PLEKHG4B: variants seen among roughly 807,000 people sequenced by gnomAD.
PLEKHG4B encodes pleckstrin homology domain-containing family G member 4B.
In PLEKHG4B, 111 loss-of-function variants were observed where a neutral mutation model predicts 121.3. The observed-to-expected ratio is 0.92, with a 90% CI of 0.78 to 1.07. The LOEUF (loss-of-function observed/expected upper bound fraction) is 1.07. Among genes scored for constraint, PLEKHG4B ranks in the 50% least tolerant of loss-of-function variants. The pLI is 0.00. For missense variants in PLEKHG4B, 1,831 were observed against 1,757.8 expected, an observed-to-expected ratio of 1.04 and a Z score of -0.74; for synonymous variants, 738 against 725.0, an observed-to-expected ratio of 1.02 and a Z score of -0.29.
Position 137,567 on chromosome 5 carries a change from C to G in PLEKHG4B, c.244-1916C>G, listed in dbSNP as rs1045379582. The stretch of plus-strand genomic sequence containing the variant: ...AATAGGGTTTGGAAATAGGTTTTGT[C>G]TCATCAAATATTTGATATGTAGAGA... On this transcript the variant is annotated intron_variant, in intron 2 of 19. Coordinates refer to ENST00000637938, the MANE Select transcript of PLEKHG4B (RefSeq NM_052909.5). The surrounding 1 kb of genome is among the most constrained non-coding windows in gnomAD (Gnocchi z 4.2). Among the ~76,000 whole-genome samples the G allele has an allele frequency of 6.6e-6, 1 of 152,174 alleles. No individual in the cohort carries two copies. The highest frequency in any genetic ancestry group is 2.4e-5 in the African/African-American group (1 of 41,426).
Position 163,079 on chromosome 5 carries a change from T to C in PLEKHG4B, c.3007T>C (p.Trp1003Arg), listed in dbSNP as rs754999362. Residue 1003 changes from tryptophan to arginine, a missense_variant, in exon 13 of 20, where the codon TGG becomes CGG. Physicochemically the swap from Trp to Arg is moderately radical, Grantham distance 101 (BLOSUM62 -3). Coordinates refer to ENST00000637938, the MANE Select transcript of PLEKHG4B (RefSeq NM_052909.5). ...FPSTDSGGGAWEPAQPLSGLP... is the reference protein window; with the variant it reads ...FPSTDSGGGAREPAQPLSGLP... ...CAGCACGGACAGTGGGGGTGGTGCC[T>C]GGGAACCTGCGCAACCACTGTCCGG... is the stretch of plus-strand genomic sequence containing the variant. The C allele has an allele frequency of 2.6e-6, 4 of 1,563,322 alleles. No individual in the cohort carries two copies. The highest frequency in any genetic ancestry group is 3.5e-6 in the Non-Finnish European group (4 of 1,153,978).
intron 12 of PLEKHG4B, among the ~76,000 whole-genome samples, chr5:162,255 T>C (rs550571611): frequency 8.0e-5 from 12 of 149,338 alleles, no homozygotes; most frequent in African/African-American, 3.0e-4. Context: ...AGCAGACTGC[T>C]CGCCTGCGAG....
intron 1 of PLEKHG4B, among the ~76,000 whole-genome samples, chr5:93,217 G>A (rs7729892): frequency 0.18 from 27,494 of 152,042 alleles, 3,411 homozygotes; most frequent in African/African-American, 0.35. Flanking sequence ...AGCTGGGTGG[G>A]TCCTGAATCA....
chr5:173,793 C>T, intron 17 of PLEKHG4B, 125 bp from the exon 18 acceptor site: 1 of 1,147,606 alleles, frequency 8.7e-7, no homozygotes, highest in South Asian at 1.5e-5. Flanking sequence ...CTCACCCTGA[C>T]CCATCCCACA....
In PLEKHG4B at chr5:135,710, T is replaced by A. The variant is rs1182889002; in HGVS notation, c.244-3773T>A. Among the ~76,000 whole-genome samples the A allele has an allele frequency of 7.1e-4, 74 of 104,304 alleles. 1 individual carries two copies. Among genetic ancestry groups the A allele is most frequent in the African/African-American group, 9.6e-4 (24 of 24,880 alleles). The allele number at this position is 104,304 out of a possible 152,430, so 68.4% of individuals were successfully genotyped here. A position where few individuals can be genotyped will look rare whatever the true frequency, so the allele number is the denominator to read the frequency against. On this transcript the variant is annotated intron_variant, in intron 2 of 19. Coordinates refer to ENST00000637938, the MANE Select transcript of PLEKHG4B (RefSeq NM_052909.5). The stretch of plus-strand genomic sequence containing the variant: ...ATATATATATATATATATATATATA[T>A]ATATATATATATATATATGTATGTC...
Position 140,255 on chromosome 5 carries a change from C to T in PLEKHG4B, c.1016C>T (p.Pro339Leu), listed in dbSNP as rs1385693718. The change falls in exon 3 of 20, where the codon CCG (proline) becomes CTG (leucine). Residue 339 changes from proline to leucine, a missense_variant. Coordinates refer to ENST00000637938, the MANE Select transcript of PLEKHG4B (RefSeq NM_052909.5). ...GGCATCCCGAGCAGCAGGAGGCGGC[C>T]GCCGGGGGACCCCACTTGTGTGCAG... ...DLGIPSSRRR[P>L]PGDPTCVQPR... 1.8e-5 allele frequency: 26 copies of T among 1,452,790 alleles called. 1 individual carries two copies. Among genetic ancestry groups the T allele is most frequent in the Middle Eastern group, 2.3e-4 (1 of 4,396 alleles). The allele number at this position is 1,452,790 out of a possible 1,614,324, so 90.0% of individuals were successfully genotyped here. A position where few individuals can be genotyped will look rare whatever the true frequency, so the allele number is the denominator to read the frequency against.
intron 2 of PLEKHG4B, among the ~76,000 whole-genome samples, chr5:130,064 AGAGAGT>A (rs746121642): frequency 6.6e-6 from 1 of 150,570 alleles, no homozygotes; most frequent in African/African-American, 2.4e-5. Flanking sequence ...GAATATGAAG[AGAGAGT>A]GAGAGAGAGA....
rs1326102334 is a variant in PLEKHG4B, at chr5:154,767, C to T, written c.1993-108C>T. 7 of 832,842 alleles carry T rather than the reference C, an allele frequency of 8.4e-6. No individual in the cohort carries two copies. The Admixed American group carries it at 1.2e-4, about 15-fold the overall frequency. 51.6% of individuals were successfully genotyped at this position (832,842 alleles called of 1,614,324 possible). A position where few individuals can be genotyped will look rare whatever the true frequency, so the allele number is the denominator to read the frequency against. On this transcript the variant is annotated intron_variant, in intron 7 of 19. Coordinates refer to ENST00000637938, the MANE Select transcript of PLEKHG4B (RefSeq NM_052909.5). ...CTTCCAGCAAAGCAGGGGCGATACT[C>T]CTTGAGCCAGCCTCTCCATCCTCTG...
intron 2 of PLEKHG4B, among the ~76,000 whole-genome samples, chr5:115,377 G>A (rs1407437831): frequency 6.6e-6 from 1 of 152,192 alleles, no homozygotes; most frequent in Non-Finnish European, 1.5e-5. Context: ...AGGCCAAGTA[G>A]ACTGAGCATG....
In PLEKHG4B at chr5:183,454, G is replaced by T. The variant is rs1560961155; in HGVS notation, c.*1131G>T. 3 of 152,184 alleles carry T rather than the reference G, an allele frequency of 2.0e-5. No individual in the cohort carries two copies. Among genetic ancestry groups the T allele is most frequent in the Non-Finnish European group, 2.9e-5 (2 of 68,046 alleles). 9.4% of individuals were successfully genotyped at this position (152,184 alleles called of 1,614,324 possible). A position where few individuals can be genotyped will look rare whatever the true frequency, so the allele number is the denominator to read the frequency against. On this transcript the variant is annotated 3_prime_UTR_variant, in exon 20 of 20. Transcript: ENST00000637938. ...AACTGTGGCTGAAATCGCAGCCCAG[G>T]CGTCCAGAAAGTTAAAGTTAAGAAC...
intron 6 of PLEKHG4B, among the ~76,000 whole-genome samples, chr5:145,624 G>A (rs558070640): frequency 1.3e-5 from 2 of 152,356 alleles, no homozygotes; most frequent in African/African-American, 4.8e-5. Flanking sequence ...CTCCCAGAGT[G>A]CTGGGCTCAC....
chr5:174,200 GC>G, intron 18 of PLEKHG4B, 102 bp downstream of exon 18: 1 of 932,764 alleles, frequency 1.1e-6, no homozygotes, highest in Middle Eastern at 3.9e-4. Context: ...GAGTCCAGGG[GC>G]CAGGGGGCTG....
intron 2 of PLEKHG4B, among the ~76,000 whole-genome samples, chr5:134,100 T>TAC (rs1159244969): frequency 6.3e-5 from 8 of 126,804 alleles, no homozygotes; most frequent in Non-Finnish European, 1.2e-4. Context: ...TATATATATA[T>TAC]ATATATATAT....
intron 1 of PLEKHG4B, among the ~76,000 whole-genome samples, chr5:107,892 C>T (rs1387332760): frequency 6.6e-6 from 1 of 152,178 alleles, no homozygotes; most frequent in African/African-American, 2.4e-5. Flanking sequence ...CCAGGTGTGC[C>T]AGGTTTGTAT....
intron 18 of PLEKHG4B, among the ~76,000 whole-genome samples, chr5:174,729 G>T (rs1160049996): frequency 6.6e-6 from 1 of 152,064 alleles, no homozygotes; most frequent in Non-Finnish European, 1.5e-5. Flanking sequence ...TTCTTTTTTG[G>T]TAAGGGTGAG....
At chr5:148,018 CA>C (rs1363793717) in intron 6 of PLEKHG4B, among the ~76,000 whole-genome samples, 2 of 151,940 alleles carry the variant, frequency 1.3e-5, no homozygotes, top group African/African-American at 2.4e-5. Context: ...AAGCATTTGA[CA>C]AAATTCAACA....
At position 162,859 on chromosome 5, in the gene PLEKHG4B, G is replaced by A. The variant is rs776192764; in HGVS notation, c.2787G>A (p.Lys929=). Residue 929 remains lysine, a synonymous_variant, in exon 13 of 20, where the codon AAG becomes AAA. Coordinates refer to ENST00000637938, the MANE Select transcript of PLEKHG4B (RefSeq NM_052909.5). ...AFPGAGVAVL[K]PHALGKPWAS... ...CCGGGGCAGGTGTGGCAGTGCTGAA[G>A]CCTCATGCCCTGGGGAAACCGTGGG... The A allele has an allele frequency of 6.6e-7, 1 of 1,518,210 alleles. No individual in the cohort carries two copies. Among genetic ancestry groups the A allele is most frequent in the South Asian group, 1.3e-5 (1 of 76,576 alleles). The allele number at this position is 1,518,210 out of a possible 1,614,324, so 94.0% of individuals were successfully genotyped here.
At position 161,951 on chromosome 5, in the gene PLEKHG4B, GAC is replaced by G. The variant is rs1434309967; in HGVS notation, c.2649+8_2649+9del. On this transcript the variant is annotated splice_region_variant and intron_variant, in intron 12 of 19. Coordinates refer to ENST00000637938, the MANE Select transcript of PLEKHG4B (RefSeq NM_052909.5). ...GTCCGAGTTGTGCGAGACGGTAAGA[GAC>G]CCAGTGGGCGTGCGTCCCAGGGATC... The G allele has an allele frequency of 6.2e-7, 1 of 1,603,118 alleles. No homozygotes were observed. The highest frequency in any genetic ancestry group is 2.2e-5 in the East Asian group (1 of 44,710).
chr5:106,918 G>A (rs11750348), intron 1 of PLEKHG4B, among the ~76,000 whole-genome samples: 9,877 of 152,288 alleles, frequency 0.065, 447 homozygotes, highest in Non-Finnish European at 0.09. Context: ...GTGCACGCAC[G>A]CAGGTGTCTA....
Sources: gnomAD v4.1 joint callset for allele counts (sites outside exome capture counted in the v4.1 genomes callset) on GRCh38, gnomAD v4.1.1 for gene constraint, Gnocchi (gnomAD v3.1) non-coding constraint, MANE v1.5 for transcripts, NCBI Gene and HGNC (gene_info 2026-07-23, HGNC 2026-07-21) for gene names.